Variants in TSPAN18 observed in about 807,000 individuals in gnomAD.
TSPAN18 encodes tetraspanin-18.
A neutral mutation model predicts 27.3 loss-of-function variants in TSPAN18; 14 were observed. The observed-to-expected ratio is 0.51, with a 90% CI of 0.34 to 0.80. The LOEUF is 0.80. Ranked by LOEUF, TSPAN18 falls within the 30% of genes least tolerant of loss-of-function variation. TSPAN18 has a pLI of 0.01. For missense variants in TSPAN18, 268 were observed against 323.9 expected (o/e 0.83, Z 1.32); for synonymous variants, 143 against 136.5 (o/e 1.05, Z -0.33).
intron 2 of TSPAN18, among the ~76,000 whole-genome samples, chr11:44,849,269 T>G (rs546428835): frequency 6.6e-6 from 1 of 152,210 alleles, no homozygotes; most frequent in South Asian, 2.1e-4. Context: ...GCTCCCTGTG[T>G]TTTAGGTGGG....
At chr11:44,928,075 G>A (rs1344353510) in intron 9 of TSPAN18, among the ~76,000 whole-genome samples, 2 of 152,170 alleles carry the variant, frequency 1.3e-5, no homozygotes, top group African/African-American at 2.4e-5. Flanking sequence ...TGGTGATTTG[G>A]CCATGACCTG....
At chr11:44,742,256 CCCCTT>C (rs1159660396) in intron 1 of TSPAN18, among the ~76,000 whole-genome samples, 2 of 150,300 alleles carry the variant, frequency 1.3e-5, no homozygotes, top group Non-Finnish European at 3.0e-5. Flanking sequence ...CCCCTCCCCT[CCCCTT>C]CCCTTCCCTT....
chr11:44,788,671 T>C (rs1040597158), intron 2 of TSPAN18, among the ~76,000 whole-genome samples: 1 of 152,014 alleles, frequency 6.6e-6, no homozygotes, highest in African/African-American at 2.4e-5. Context: ...ATGGTCTCTG[T>C]CTCCTGACCT....
chr11:44,756,716 G>T (rs1253570211), intron 1 of TSPAN18, among the ~76,000 whole-genome samples: 1 of 152,072 alleles, frequency 6.6e-6, no homozygotes. Flanking sequence ...CATTTTCAAG[G>T]TTCATCTATG....
intron 2 of TSPAN18, among the ~76,000 whole-genome samples, chr11:44,857,869 C>T (rs1394822597): frequency 6.6e-6 from 1 of 151,306 alleles, no homozygotes; most frequent in Non-Finnish European, 1.5e-5. Flanking sequence ...AGATGCATGC[C>T]CACCCCCACA....
chr11:44,756,344 A>G (rs1251158571), intron 1 of TSPAN18, among the ~76,000 whole-genome samples: 3 of 152,128 alleles, frequency 2.0e-5, no homozygotes, highest in Non-Finnish European at 4.4e-5. Flanking sequence ...TCCCAGGAGA[A>G]TAACTTGGAA....
intron 1 of TSPAN18, among the ~76,000 whole-genome samples, chr11:44,731,235 C>A (rs1854647346): frequency 6.6e-6 from 1 of 152,174 alleles, no homozygotes; most frequent in South Asian, 2.1e-4. Context: ...TTGTGTGAGT[C>A]ACAGCCTCTC....
chr11:44,878,748 G>T (rs1858408676), intron 3 of TSPAN18, among the ~76,000 whole-genome samples: 1 of 152,206 alleles, frequency 6.6e-6, no homozygotes, highest in South Asian at 2.1e-4. Flanking sequence ...ATAATTGCAT[G>T]AATATGTGAA....
chr11:44,785,618 A>G (rs1856038644), intron 2 of TSPAN18, among the ~76,000 whole-genome samples: 1 of 150,634 alleles, frequency 6.6e-6, no homozygotes, highest in Non-Finnish European at 1.5e-5. Context: ...TCCACAAAGT[A>G]CTTGTGGCTT....
intron 2 of TSPAN18, among the ~76,000 whole-genome samples, chr11:44,857,366 A>G (rs1255333346): frequency 6.6e-6 from 1 of 152,238 alleles, no homozygotes; most frequent in Non-Finnish European, 1.5e-5. Flanking sequence ...GCCAGTGTCT[A>G]GCAGTGGAGC....
chr11:44,798,529 C>A lies in TSPAN18; in HGVS notation c.-153+34017C>A, dbSNP rs746136360. 7.9e-5 allele frequency among the ~76,000 whole-genome samples: 12 copies of A among 152,192 alleles called. No homozygotes were observed. In the South Asian group the frequency reaches 2.3e-3, roughly 29 times the overall value. ...CTGTGAGGGACTTGGTAGCCTCCCCCATCTGGCCCAGACCATGGCTAAGCC... is the reference window on the plus strand; with the variant it reads ...CTGTGAGGGACTTGGTAGCCTCCCCAATCTGGCCCAGACCATGGCTAAGCC... On this transcript the variant is annotated intron_variant, in intron 2 of 9. Coordinates refer to ENST00000520358, the MANE Select transcript of TSPAN18 (RefSeq NM_130783.5).
At chr11:44,870,563 T>C (rs954216819) in intron 3 of TSPAN18, among the ~76,000 whole-genome samples, 9 of 152,128 alleles carry the variant, frequency 5.9e-5, no homozygotes, top group Non-Finnish European at 1.2e-4. Flanking sequence ...AGTCAGCAGC[T>C]CACTACTTGC....
At chr11:44,878,512 T>C (rs1187164627) in intron 3 of TSPAN18, among the ~76,000 whole-genome samples, 11 of 152,152 alleles carry the variant, frequency 7.2e-5, no homozygotes, top group Non-Finnish European at 1.3e-4. Flanking sequence ...CTGTTGAGCC[T>C]GTGCCAGGAA....
rs138913407 is a variant in TSPAN18, at chr11:44,892,465, C to G, written c.-10-13942C>G. Among the ~76,000 whole-genome samples, 829 of 152,360 alleles carry G rather than the reference C, an allele frequency of 5.4e-3. 8 individuals are homozygous for G. The highest frequency in any genetic ancestry group is 0.018 in the African/African-American group (740 of 41,588). On this transcript the variant is annotated intron_variant, in intron 3 of 9. Coordinates refer to ENST00000520358, the MANE Select transcript of TSPAN18 (RefSeq NM_130783.5). The stretch of plus-strand genomic sequence containing the variant: ...TGACCTCCGTGCTTCTGTGCTCCCC[C>G]CAATTTCAAACTGCGTGGGTTTCCC...
rs988536263 is a variant in TSPAN18 at position 44,929,393 on chromosome 11, G to A, written c.*215G>A. 1.8e-5 allele frequency: 11 copies of A among 623,778 alleles called. No individual in the cohort carries two copies. The highest frequency in any genetic ancestry group is 2.7e-6 in the Non-Finnish European group (1 of 365,762). 38.6% of individuals were successfully genotyped at this position (623,778 alleles called of 1,614,324 possible). A position where few individuals can be genotyped will look rare whatever the true frequency, so the allele number is the denominator to read the frequency against. ...TGATGTATCCTCGCCTGGACTCAGG[G>A]CAGGTGCCGTGGGTTCTCCAGAGAC... On this transcript the variant is annotated 3_prime_UTR_variant, in exon 10 of 10. Coordinates refer to ENST00000520358, the MANE Select transcript of TSPAN18 (RefSeq NM_130783.5).
At chr11:44,857,582 A>G (rs1857769995) in intron 2 of TSPAN18, among the ~76,000 whole-genome samples, 1 of 152,160 alleles carries the variant, frequency 6.6e-6, no homozygotes, top group African/African-American at 2.4e-5. Flanking sequence ...CCAGGCCTCC[A>G]CGAGAGGGAT....
chr11:44,834,456 A>C (rs1423972852), intron 2 of TSPAN18, among the ~76,000 whole-genome samples: 1 of 151,902 alleles, frequency 6.6e-6, no homozygotes, highest in Non-Finnish European at 1.5e-5. Context: ...CTGGGTTGTG[A>C]AGTTGGCAAA....
At chr11:44,766,583 T>TA (rs1463988880) in intron 2 of TSPAN18, among the ~76,000 whole-genome samples, 8 of 152,004 alleles carry the variant, frequency 5.3e-5, no homozygotes, top group Non-Finnish European at 1.2e-4. Context: ...TGTATAAGAG[T>TA]AAAAAATCTC....
At position 44,837,925 on chromosome 11, in the gene TSPAN18, G is replaced by T. The variant is rs1043351287; in HGVS notation, c.-152-22403G>T. 2.0e-5 allele frequency among the ~76,000 whole-genome samples: 3 copies of T among 152,124 alleles called. No individual in the cohort carries two copies. The East Asian group carries it at 5.8e-4, about 29-fold the overall frequency. On this transcript the variant is annotated intron_variant, in intron 2 of 9. Transcript: ENST00000520358. ...CTTTCAGTGGGAAACCACAAAATTTGTGTGACTCATTTTATTGTGATATTT... is the reference window on the plus strand; with the variant it reads ...CTTTCAGTGGGAAACCACAAAATTTTTGTGACTCATTTTATTGTGATATTT...
Sources: gnomAD v4.1 joint callset for allele counts (sites outside exome capture counted in the v4.1 genomes callset) on GRCh38, gnomAD v4.1.1 for gene constraint, MANE v1.5 for transcripts, NCBI Gene and HGNC (gene_info 2026-07-23, HGNC 2026-07-21) for gene names.